The following SLC22A15 variants were observed in gnomAD, a reference collection of about 807,000 sequenced individuals.
SLC22A15 encodes flipt 1.
SLC22A15 carries 45 observed loss-of-function variants against 62.7 expected under a neutral mutation model. That is an observed-to-expected ratio of 0.72 (90% CI 0.56 to 0.92). The LOEUF (loss-of-function observed/expected upper bound fraction) is 0.92. SLC22A15 is among the 40% of genes least tolerant of loss of function. The probability of loss-of-function intolerance (pLI) is 0.00; values close to 1 mark genes in which losing one functional copy is unlikely to be tolerated. For synonymous variants in SLC22A15, 264 were observed against 267.0 expected (o/e 0.99, Z 0.11); for missense variants, 622 against 665.6 (o/e 0.93, Z 0.72).
At chr1:116,063,886 G>A (rs1658438585) in intron 9 of SLC22A15, among the ~76,000 whole-genome samples, 1 of 151,980 alleles carries the variant, frequency 6.6e-6, no homozygotes, top group Non-Finnish European at 1.5e-5. Flanking sequence ...CCCCATAAAG[G>A]TGTTCTTGGT....
chr1:116,039,390 G>A (rs1164305919), intron 8 of SLC22A15, among the ~76,000 whole-genome samples: 2 of 152,038 alleles, frequency 1.3e-5, no homozygotes, highest in Non-Finnish European at 1.5e-5. Context: ...AAAATTAGTT[G>A]GGCATGGTGG....
In SLC22A15 at chr1:115,976,594, G is replaced by T; in HGVS notation, c.-34G>T. ...GCGGGAGGGCAGCGCCTGAGAGGGCGGTGGGGTGGCGGGGTTCCTGCGCGC... is the reference window on the plus strand; with the variant it reads ...GCGGGAGGGCAGCGCCTGAGAGGGCTGTGGGGTGGCGGGGTTCCTGCGCGC... On this transcript the variant is annotated 5_prime_UTR_variant, in exon 1 of 12. Transcript: ENST00000369503. The T allele has an allele frequency of 2.0e-6, 3 of 1,516,568 alleles. No individual in the cohort carries two copies. Among genetic ancestry groups the T allele is most frequent in the Non-Finnish European group, 2.7e-6 (3 of 1,123,544 alleles). 93.9% of individuals were successfully genotyped at this position (1,516,568 alleles called of 1,614,324 possible).
Position 115,976,625 on chromosome 1 carries a change from G to T in SLC22A15, c.-3G>T, listed in dbSNP as rs1252328731. On this transcript the variant is annotated 5_prime_UTR_variant, in exon 1 of 12. Transcript: ENST00000369503. ...GTGGCGGGGTTCCTGCGCGCGGCCC[G>T]CCATGGAGGTGGAGGAGGCGTTCCA... 1.4e-5 allele frequency: 22 copies of T among 1,572,672 alleles called. No homozygotes were observed. Among genetic ancestry groups the T allele is most frequent in the East Asian group, 2.5e-5 (1 of 40,712 alleles).
At chr1:116,033,115 T>C (rs568907496) in intron 6 of SLC22A15, among the ~76,000 whole-genome samples, 1 of 152,328 alleles carries the variant, frequency 6.6e-6, no homozygotes, top group Non-Finnish European at 1.5e-5. Context: ...CCGTTCTTTT[T>C]GAAGATGCTA....
intron 8 of SLC22A15, among the ~76,000 whole-genome samples, chr1:116,038,147 C>T (rs1187973332): frequency 6.6e-6 from 1 of 152,102 alleles, no homozygotes; most frequent in Non-Finnish European, 1.5e-5. Flanking sequence ...CACAACAACT[C>T]TCTCATGCTG....
At position 116,024,532 on chromosome 1, in the gene SLC22A15, T is replaced by C. The variant is rs146437567; in HGVS notation, c.599-2361T>C. ...ACTCCAGAAAAGATGACTTGAAATG[T>C]TTATTTTTTATTAATTTTTTAAACC... On this transcript the variant is annotated intron_variant, in intron 4 of 11. Coordinates refer to ENST00000369503, the MANE Select transcript of SLC22A15 (RefSeq NM_018420.3). 1.7e-3 allele frequency among the ~76,000 whole-genome samples: 255 copies of C among 152,284 alleles called. 1 individual carries two copies. Among genetic ancestry groups the C allele is most frequent in the African/African-American group, 5.5e-3 (227 of 41,544 alleles).
chr1:115,995,012 A>C (rs1655350323), intron 2 of SLC22A15, among the ~76,000 whole-genome samples: 1 of 151,896 alleles, frequency 6.6e-6, no homozygotes, highest in Non-Finnish European at 1.5e-5. Context: ...TGATATTTTT[A>C]AGCATCTATA....
At chr1:115,997,194 C>G (rs2101118616) in intron 2 of SLC22A15, among the ~76,000 whole-genome samples, 1 of 152,192 alleles carries the variant, frequency 6.6e-6, no homozygotes, top group Admixed American at 6.5e-5. Context: ...TACTATAGCT[C>G]TGTAGCATAA....
At chr1:116,018,805 A>G (rs899875390) in intron 2 of SLC22A15, among the ~76,000 whole-genome samples, 1 of 152,192 alleles carries the variant, frequency 6.6e-6, no homozygotes, top group Non-Finnish European at 1.5e-5. Flanking sequence ...GCTGTATATT[A>G]TTGTTAGCTA....
At chr1:116,054,492 TCAA>T (rs910934501) in intron 8 of SLC22A15, among the ~76,000 whole-genome samples, 17 of 152,028 alleles carry the variant, frequency 1.1e-4, no homozygotes, top group Admixed American at 1.1e-3. Context: ...ATTAGACAGA[TCAA>T]CGAGACAGAA....
rs975696677 is a variant in SLC22A15 at position 116,031,298 on chromosome 1, G to T, written c.729-68G>T. On this transcript the variant is annotated intron_variant, in intron 5 of 11. Coordinates refer to ENST00000369503, the MANE Select transcript of SLC22A15 (RefSeq NM_018420.3). ...GTGCAGGAATCCACGTACTGAGTAG[G>T]TGATTTGTCTCCTTCCTGTGCACGT... The T allele has an allele frequency of 5.0e-6, 6 of 1,207,224 alleles. No individual in the cohort carries two copies. In the African/African-American group the frequency reaches 9.0e-5, roughly 18 times the overall value. The allele number at this position is 1,207,224 out of a possible 1,614,324, so 74.8% of individuals were successfully genotyped here.
chr1:115,981,726 A>T (rs1654617942), intron 1 of SLC22A15, among the ~76,000 whole-genome samples: 1 of 152,238 alleles, frequency 6.6e-6, no homozygotes, highest in South Asian at 2.1e-4. Context: ...CATTCCATGG[A>T]AAGCAACTAG....
At chr1:116,047,924 A>G (rs1223548427) in intron 8 of SLC22A15, among the ~76,000 whole-genome samples, 1 of 152,200 alleles carries the variant, frequency 6.6e-6, no homozygotes, top group Admixed American at 6.5e-5. Flanking sequence ...ACACTTATAG[A>G]AATGCAAAAT....
intron 8 of SLC22A15, among the ~76,000 whole-genome samples, chr1:116,050,723 A>T (rs1658030661): frequency 6.6e-6 from 1 of 152,180 alleles, no homozygotes; most frequent in Non-Finnish European, 1.5e-5. Context: ...TCCTAACCAG[A>T]GCAATCAGAC....
intron 1 of SLC22A15, among the ~76,000 whole-genome samples, chr1:115,986,516 C>T (rs146363713): frequency 9.0e-4 from 137 of 152,156 alleles, no homozygotes; most frequent in Middle Eastern, 3.4e-3. Flanking sequence ...TTGTTGAAGC[C>T]GTCAGAGAGA....
chr1:116,064,318 C>T (rs1434252779), intron 9 of SLC22A15, 118 bp from the exon 10 acceptor site: 2 of 701,656 alleles, frequency 2.9e-6, no homozygotes, highest in East Asian at 5.4e-5. Context: ...ACCCACTGTT[C>T]TCTAGGATCC....
At chr1:116,035,745 A>T (rs999682726) in intron 7 of SLC22A15, among the ~76,000 whole-genome samples, 2 of 152,224 alleles carry the variant, frequency 1.3e-5, no homozygotes, top group Non-Finnish European at 2.9e-5. Flanking sequence ...AACTAGAAAG[A>T]CTTTTCTTAT....
At chr1:115,993,470 T>C (rs1655259762) in intron 2 of SLC22A15, among the ~76,000 whole-genome samples, 1 of 151,900 alleles carries the variant, frequency 6.6e-6, no homozygotes, top group African/African-American at 2.4e-5. Flanking sequence ...TGTCTGTCTG[T>C]CTGTCTGTAT....
At chr1:115,983,233 T>C (rs1012901637) in intron 1 of SLC22A15, among the ~76,000 whole-genome samples, 3 of 152,270 alleles carry the variant, frequency 2.0e-5, no homozygotes, top group Non-Finnish European at 4.4e-5. Context: ...TCTGTTTTAT[T>C]GTATTTATTC....
Sources: allele counts gnomAD v4.1 joint callset (sites outside exome capture counted in the v4.1 genomes callset), GRCh38; gene constraint gnomAD v4.1.1; transcripts MANE v1.5; gene names NCBI Gene and HGNC (gene_info 2026-07-23, HGNC 2026-07-21).